The following ARFGEF1 variants were observed in gnomAD, a reference collection of about 807,000 sequenced individuals.
ARFGEF1 encodes brefeldin A-inhibited guanine nucleotide-exchange protein 1.
In ARFGEF1, 42 loss-of-function variants were observed where a neutral mutation model predicts 231.0. That is an observed-to-expected ratio of 0.18 (90% CI 0.14 to 0.24). The LOEUF (loss-of-function observed/expected upper bound fraction) is 0.24. ARFGEF1 is among the 10% of genes least tolerant of loss of function. ARFGEF1 has a pLI of 1.00. For missense variants in ARFGEF1, 1,345 were observed against 2,192.0 expected, an observed-to-expected ratio of 0.61 and a Z score of 7.72; for synonymous variants, 710 against 732.3, an observed-to-expected ratio of 0.97 and a Z score of 0.49.
rs573133926 is a variant in ARFGEF1, at chr8:67,214,692, C to T, written c.4686+1898G>A. 2.3e-4 allele frequency among the ~76,000 whole-genome samples: 35 copies of T among 152,268 alleles called. No individual in the cohort carries two copies. The South Asian group carries it at 3.5e-3, about 15-fold the overall frequency. The stretch of plus-strand genomic sequence containing the variant: ...GGACTATCCAGAAAGATGTGTGGAT[C>T]ACACTCTTGTTTAATGGCATGGTTT... On this transcript the variant is annotated intron_variant, in intron 33 of 38. Transcript: ENST00000262215.
intron 34 of ARFGEF1, among the ~76,000 whole-genome samples, chr8:67,208,608 C>T (rs150217045): frequency 0.026 from 3,452 of 133,578 alleles, 71 homozygotes; most frequent in Non-Finnish European, 0.037. Flanking sequence ...CCAGCCTGAG[C>T]GACAGAGTGA....
At chr8:67,188,246 T>C (rs896106853) in intron 5 of ARFGEF1, among the ~76,000 whole-genome samples, 3 of 152,146 alleles carry the variant, frequency 2.0e-5, no homozygotes, top group African/African-American at 2.4e-5. Flanking sequence ...CACATCACCA[T>C]ACAGATAACA....
At chr8:67,229,678 C>T (rs1218760663) in intron 23 of ARFGEF1, among the ~76,000 whole-genome samples, 1 of 151,890 alleles carries the variant, frequency 6.6e-6, no homozygotes, top group Non-Finnish European at 1.5e-5. Flanking sequence ...ACAGAGCTCT[C>T]GCAAAACAAA....
intron 7 of ARFGEF1, among the ~76,000 whole-genome samples, chr8:67,282,118 A>G (rs1168966156): frequency 2.0e-5 from 3 of 152,136 alleles, no homozygotes; most frequent in Non-Finnish European, 4.4e-5. Flanking sequence ...AATTGATACT[A>G]TAGAATACAA....
chr8:67,224,339 AGT>A (rs1284501664), intron 29 of ARFGEF1, among the ~76,000 whole-genome samples: 1 of 152,204 alleles, frequency 6.6e-6, no homozygotes, highest in Admixed American at 6.5e-5. Flanking sequence ...ACCTAAGAAC[AGT>A]GTGTTAGCAT....
rs377097185 is a variant in ARFGEF1 at position 67,221,154 on chromosome 8, A to G, written c.4209-1594T>C. 1.7e-4 allele frequency among the ~76,000 whole-genome samples: 26 copies of G among 152,324 alleles called. No individual in the cohort carries two copies. In the South Asian group the frequency reaches 4.8e-3, roughly 28 times the overall value. Reference sequence around the variant, plus strand: ...AAACCTACTGCACTGCCAGTCGTATAATGATAAACAATTATGTTAACAATT... The same window carrying G: ...AAACCTACTGCACTGCCAGTCGTATGATGATAAACAATTATGTTAACAATT... On this transcript the variant is annotated intron_variant, in intron 29 of 38. Coordinates refer to ENST00000262215, the MANE Select transcript of ARFGEF1 (RefSeq NM_006421.5).
intron 5 of ARFGEF1, among the ~76,000 whole-genome samples, chr8:67,177,070 CAAAAAAAAAAAA>C (rs36084458): frequency 1.3e-4 from 7 of 51,864 alleles, no homozygotes; most frequent in African/African-American, 5.0e-4. Flanking sequence ...GACTTAGTCT[CAAAAAAAAAAAA>C]AAAAAAAAAA....
At chr8:67,173,818 A>G (rs1021375780), downstream of ARFGEF1, 16 of 152,230 alleles carry the variant, frequency 1.1e-4, no homozygotes, top group African/African-American at 3.6e-4. Context: ...GGGTCTCATG[A>G]GGAGTTTGGT....
At chr8:67,332,077 T>C (rs770333783) in intron 1 of ARFGEF1, among the ~76,000 whole-genome samples, 2 of 152,000 alleles carry the variant, frequency 1.3e-5, no homozygotes, top group Non-Finnish European at 2.9e-5. Context: ...TGACACACTG[T>C]TAAAATGCTA....
chr8:67,266,146 T>A lies in ARFGEF1; in HGVS notation c.1983A>T (p.Arg661Ser). Residue 661 changes from arginine (R) to serine (S), a missense_variant, in exon 14 of 39, where the codon AGA (arginine) becomes AGT (serine). Around this residue, in one of 14 missense-constraint regions of ARFGEF1, gnomAD observed 105 missense variants for 159.3 expected, o/e 0.66. Coordinates refer to ENST00000262215, the MANE Select transcript of ARFGEF1 (RefSeq NM_006421.5). ...ACTCCAGGGAATTTAAACTTCCGTA[T>A]CTGTTTATTGTCTCAGGGTGTTTGA... Reference protein sequence around the residue: ...SEIKHPETINRYGSLNSLEST... With the variant: ...SEIKHPETINSYGSLNSLEST... The A allele has an allele frequency of 6.2e-7, 1 of 1,613,876 alleles. No individual in the cohort carries two copies. The highest frequency in any genetic ancestry group is 8.5e-7 in the Non-Finnish European group (1 of 1,179,872).
At chr8:67,305,027 C>A (rs1039197365) in intron 1 of ARFGEF1, among the ~76,000 whole-genome samples, 1 of 152,074 alleles carries the variant, frequency 6.6e-6, no homozygotes, top group Non-Finnish European at 1.5e-5. Context: ...AAGGTGAATT[C>A]CCATTTGTAA....
At chr8:67,260,062 C>T (rs1840591648) in intron 14 of ARFGEF1, 136 bp from the exon 15 acceptor site, 2 of 430,952 alleles carry the variant, frequency 4.6e-6, no homozygotes, top group Admixed American at 8.2e-5. Context: ...CATGAATGTA[C>T]AAAATAATTA....
chr8:67,184,744 T>TATAATAATAATAATAATAATAATAATA (rs377423199), intron 5 of ARFGEF1, among the ~76,000 whole-genome samples: 64 of 142,508 alleles, frequency 4.5e-4, no homozygotes, highest in African/African-American at 1.6e-3. Context: ...AATAAAAAAA[T>TATAATAATAATAATAATAATAATAATA]ATAATAATAA....
At chr8:67,203,550 C>T (rs1279367154) in intron 35 of ARFGEF1, among the ~76,000 whole-genome samples, 1 of 152,190 alleles carries the variant, frequency 6.6e-6, no homozygotes, top group Admixed American at 6.5e-5. Flanking sequence ...TTTAATTATT[C>T]TCTTTCACAA....
chr8:67,258,868 G>T (rs896929893), intron 15 of ARFGEF1, among the ~76,000 whole-genome samples: 2 of 139,334 alleles, frequency 1.4e-5, no homozygotes, highest in East Asian at 3.9e-4. Context: ...TCATCACTCA[G>T]TATCAGTGGG....
At chr8:67,314,901 A>T (rs891845738) in intron 1 of ARFGEF1, among the ~76,000 whole-genome samples, 1 of 152,128 alleles carries the variant, frequency 6.6e-6, no homozygotes, top group Admixed American at 6.6e-5. Context: ...CTGGGTGGGC[A>T]TGGTGGCATG....
Position 67,228,008 on chromosome 8 carries a change from T to C in ARFGEF1, c.3546A>G (p.Leu1182=), listed in dbSNP as rs1839433349. Residue 1182 remains leucine (L), a synonymous_variant, in exon 25 of 39, where the codon TTA becomes TTG. Transcript: ENST00000262215. ...TAACTTCCCAAATTCGAGACCACTG[T>C]AATCTTATTCTTCCCATGTTGTAAT... ...ISYYNMGRIR[L]QWSRIWEVIG... The C allele has an allele frequency of 1.3e-6, 2 of 1,598,152 alleles. No homozygotes were observed. Among genetic ancestry groups the C allele is most frequent in the Non-Finnish European group, 1.7e-6 (2 of 1,176,206 alleles).
At chr8:67,177,466 T>C (rs1002057866) in intron 5 of ARFGEF1, among the ~76,000 whole-genome samples, 5 of 152,248 alleles carry the variant, frequency 3.3e-5, no homozygotes, top group African/African-American at 4.8e-5. Flanking sequence ...TTTTACTTGT[T>C]ATGTTCATTC....
intron 5 of ARFGEF1, among the ~76,000 whole-genome samples, chr8:67,182,633 A>G (rs1348608313): frequency 6.6e-6 from 1 of 152,200 alleles, no homozygotes; most frequent in African/African-American, 2.4e-5. Context: ...ATTTCTCTAC[A>G]TCCTTAACAC....
Sources: allele counts gnomAD v4.1 joint callset (sites outside exome capture counted in the v4.1 genomes callset), GRCh38; gene constraint gnomAD v4.1.1; regional missense constraint gnomAD v4.1.1; transcripts MANE v1.5; gene names NCBI Gene and HGNC (gene_info 2026-07-23, HGNC 2026-07-21).